The following HS6ST1 variants were observed in gnomAD, a reference collection of about 807,000 sequenced individuals.
HS6ST1 encodes heparan-sulfate 6-O-sulfotransferase 1.
Under a neutral mutation model 25.2 loss-of-function variants are expected in HS6ST1, and 3 were observed. The ratio of observed to expected loss-of-function variants is 0.12; its 90% CI spans 0.05 to 0.31. The LOEUF is 0.31. Among genes scored for constraint, HS6ST1 ranks in the 10% least tolerant of loss-of-function variants. HS6ST1 has a pLI of 1.00. For missense variants in HS6ST1, 310 were observed against 609.6 expected (o/e 0.51, Z 5.18); for synonymous variants, 204 against 275.1 (o/e 0.74, Z 2.56).
At position 128,266,370 on chromosome 2, in the gene HS6ST1, G is replaced by C. The variant is rs1167332368; in HGVS notation, c.*1792C>G. 1.3e-5 allele frequency: 2 copies of C among 152,328 alleles called. No homozygotes were observed. Among genetic ancestry groups the C allele is most frequent in the Non-Finnish European group, 2.9e-5 (2 of 68,100 alleles). The allele number at this position is 152,328 out of a possible 1,614,324, so 9.4% of individuals were successfully genotyped here. On this transcript the variant is annotated 3_prime_UTR_variant, in exon 2 of 2. Coordinates refer to ENST00000259241, the MANE Select transcript of HS6ST1 (RefSeq NM_004807.3). Reference sequence around the variant, plus strand: ...AATCCCCTTGGCACTCACTTCCTTAGTGTGATGCATCCACCCAGGGAGGTG... The same window carrying C: ...AATCCCCTTGGCACTCACTTCCTTACTGTGATGCATCCACCCAGGGAGGTG...
chr2:128,289,909 C>T (rs767394647), intron 1 of HS6ST1: 3 of 152,130 alleles, frequency 2.0e-5, no homozygotes, highest in African/African-American at 7.2e-5. Context: ...ACAAATAGCC[C>T]GATAATCTCA....
At chr2:128,307,611 G>C (rs991610308) in intron 1 of HS6ST1, among the ~76,000 whole-genome samples, 1 of 152,210 alleles carries the variant, frequency 6.6e-6, no homozygotes, top group Non-Finnish European at 1.5e-5. Flanking sequence ...GGGGAAAACA[G>C]GCCAAAGACG....
At chr2:128,311,391 C>G (rs569587885) in intron 1 of HS6ST1, among the ~76,000 whole-genome samples, 1 of 152,148 alleles carries the variant, frequency 6.6e-6, no homozygotes, top group African/African-American at 2.4e-5. Flanking sequence ...GTCTGCCTCC[C>G]GCCTGAATCA....
chr2:128,306,498 A>G (rs1694212493), intron 1 of HS6ST1, among the ~76,000 whole-genome samples: 1 of 152,148 alleles, frequency 6.6e-6, no homozygotes, highest in South Asian at 2.1e-4. Flanking sequence ...AGAGGTAAAT[A>G]TTTACACAGG....
chr2:128,304,363 C>A (rs1409561320), intron 1 of HS6ST1, among the ~76,000 whole-genome samples: 1 of 152,186 alleles, frequency 6.6e-6, no homozygotes, highest in African/African-American at 2.4e-5. Flanking sequence ...TGTGGGTGCT[C>A]CCCAGGGACA....
intron 1 of HS6ST1, among the ~76,000 whole-genome samples, chr2:128,275,212 T>C (rs1000590220): frequency 6.6e-6 from 1 of 152,180 alleles, no homozygotes; most frequent in Non-Finnish European, 1.5e-5. Flanking sequence ...GCCTCAGCGG[T>C]AAATGATGGT....
At chr2:128,317,873 G>C (rs1029856432) in intron 1 of HS6ST1, among the ~76,000 whole-genome samples, 164 bp downstream of exon 1, 5 of 152,206 alleles carry the variant, frequency 3.3e-5, no homozygotes, top group African/African-American at 1.2e-4. Flanking sequence ...GAGGAGCTGG[G>C]AGCCTCGGGC....
At chr2:128,301,737 C>T (rs1694130643) in intron 1 of HS6ST1, among the ~76,000 whole-genome samples, 1 of 152,176 alleles carries the variant, frequency 6.6e-6, no homozygotes, top group African/African-American at 2.4e-5. Flanking sequence ...CAGCCTCTCA[C>T]CCTCAGGGGT....
At chr2:128,313,771 GAGC>G (rs2104938605) in intron 1 of HS6ST1, among the ~76,000 whole-genome samples, 1 of 152,206 alleles carries the variant, frequency 6.6e-6, no homozygotes, top group South Asian at 2.1e-4. Context: ...TCTGATCCAG[GAGC>G]AGGAGTCCCC....
In HS6ST1 at chr2:128,268,489, C is replaced by T. The variant is rs1286458138; in HGVS notation, c.909G>A (p.Leu303=). 6.2e-7 allele frequency: 1 copy of T among 1,612,748 alleles called. No homozygotes were observed. Among genetic ancestry groups the T allele is most frequent in the East Asian group, 2.2e-5 (1 of 44,864 alleles). ...LTEFQRKTQY[L]FERTFNLKFI... is the part of the protein sequence containing the mutation. ...ACTTGAGGTTGAACGTCCGCTCGAA[C>T]AGGTACTGCGTCTTGCGCTGGAACT... Residue 303 remains leucine (L), a synonymous_variant, in exon 2 of 2, where the codon CTG becomes CTA. Transcript: ENST00000259241.
intron 1 of HS6ST1, among the ~76,000 whole-genome samples, chr2:128,296,807 T>G (rs1048181983): frequency 2.0e-5 from 3 of 152,232 alleles, no homozygotes; most frequent in Non-Finnish European, 2.9e-5. Context: ...AATCTACAGA[T>G]TTAATGAAAT....
intron 1 of HS6ST1, among the ~76,000 whole-genome samples, chr2:128,300,277 G>A (rs527604927): frequency 6.6e-6 from 1 of 152,306 alleles, no homozygotes; most frequent in East Asian, 1.9e-4. Flanking sequence ...GAGAGGGCCT[G>A]CAGCCCCAGG....
intron 1 of HS6ST1, among the ~76,000 whole-genome samples, chr2:128,307,656 T>C (rs1426674101): frequency 2.6e-5 from 4 of 152,204 alleles, no homozygotes; most frequent in African/African-American, 9.7e-5. Flanking sequence ...CACTGACCGA[T>C]AAACACATGG....
chr2:128,284,901 G>GACCA (rs1693838863), intron 1 of HS6ST1, among the ~76,000 whole-genome samples: 5 of 152,186 alleles, frequency 3.3e-5, no homozygotes, highest in Non-Finnish European at 7.3e-5. Context: ...CCCCCACCTG[G>GACCA]TGGTTTGGGC....
Position 128,318,228 on chromosome 2 carries a change from G to C in HS6ST1, c.336C>G (p.Leu112=), listed in dbSNP as rs576560062. The stretch of plus-strand genomic sequence containing the variant: ...CGGGCCGGCAGTCGCACGGCACCTC[G>C]AGGCGTACGTTCTGCACGAGGTGGC... The part of the protein sequence containing the change: ...FGRHLVQNVR[L]EVPCDCRPGQ... Residue 112 remains leucine, a synonymous_variant, in exon 1 of 2, where the codon CTC becomes CTG. Coordinates refer to ENST00000259241, the MANE Select transcript of HS6ST1 (RefSeq NM_004807.3). This position sits in a 1 kb window ranked among gnomAD's most constrained non-coding sequence, Gnocchi z 5.7. 1,010 of 1,547,460 alleles carry C rather than the reference G, an allele frequency of 6.5e-4. 3 individuals carry two copies. In the African/African-American group the frequency reaches 0.013, roughly 19 times the overall value.
intron 1 of HS6ST1, among the ~76,000 whole-genome samples, chr2:128,290,374 T>G (rs923851533): frequency 6.6e-6 from 1 of 152,070 alleles, no homozygotes; most frequent in Non-Finnish European, 1.5e-5. Context: ...AATACCGAAG[T>G]TGGACAAATG....
chr2:128,316,311 C>T (rs552834805), intron 1 of HS6ST1, among the ~76,000 whole-genome samples: 34 of 152,268 alleles, frequency 2.2e-4, no homozygotes, highest in Non-Finnish European at 4.6e-4. Flanking sequence ...CTTGGCGGCC[C>T]GAAGCTTCCA....
intron 1 of HS6ST1, among the ~76,000 whole-genome samples, chr2:128,272,722 T>TTG (rs966816632): frequency 6.6e-6 from 1 of 152,180 alleles, no homozygotes; most frequent in African/African-American, 2.4e-5. Flanking sequence ...CTCGGGTTTT[T>TTG]TGTGTGTGAG....
At chr2:128,289,482 C>T (rs1693919369) in intron 1 of HS6ST1, among the ~76,000 whole-genome samples, 1 of 152,242 alleles carries the variant, frequency 6.6e-6, no homozygotes, top group Non-Finnish European at 1.5e-5. Context: ...AGGTGTCTGA[C>T]TTCATAGGCC....
Sources: gnomAD v4.1 joint callset for allele counts (sites outside exome capture counted in the v4.1 genomes callset) on GRCh38, gnomAD v4.1.1 for gene constraint, Gnocchi (gnomAD v3.1) non-coding constraint, MANE v1.5 for transcripts, NCBI Gene and HGNC (gene_info 2026-07-23, HGNC 2026-07-21) for gene names.